The following STRIP2 variants were observed in gnomAD, a reference collection of about 807,000 sequenced individuals.
The protein encoded by STRIP2 is striatin-interacting protein 2.
In STRIP2, 84 loss-of-function variants were observed where a neutral mutation model predicts 107.1. The ratio of observed to expected loss-of-function variants is 0.78; its 90% confidence interval spans 0.66 to 0.94. The LOEUF (loss-of-function observed/expected upper bound fraction) is 0.94, where lower values mean the gene tolerates loss of function less well. Ranked by LOEUF, STRIP2 falls within the 40% of genes least tolerant of loss-of-function variation. The pLI, the probability that STRIP2 is intolerant of heterozygous loss-of-function variation, is 0.00. For synonymous variants in STRIP2, 394 were observed against 400.4 expected, an observed-to-expected ratio of 0.98 and a Z score of 0.19; for missense variants, 888 against 1,034.2, an observed-to-expected ratio of 0.86 and a Z score of 1.94.
In STRIP2 at chr7:129,458,647, T is replaced by C; in HGVS notation, c.1275-65T>C. 1 of 1,588,772 alleles carries C rather than the reference T, an allele frequency of 6.3e-7. No individual in the cohort carries two copies. The highest frequency in any genetic ancestry group is 8.6e-7 in the Non-Finnish European group (1 of 1,157,924). On this transcript the variant is annotated intron_variant, in intron 10 of 20. Transcript: ENST00000249344. The surrounding 1 kb of genome is among the most constrained non-coding windows in gnomAD (Gnocchi z 4.6). ...ATTGGAGGGATAGGAGCCCGGAAAG[T>C]TTTTCTCTCTCAAAGTTTGCTTTTC...
chr7:129,444,205 T>C (rs1797976360), intron 3 of STRIP2, 107 bp downstream of exon 3: 5 of 725,088 alleles, frequency 6.9e-6, no homozygotes, highest in Non-Finnish European at 1.2e-5. Flanking sequence ...CCCCTCTGTA[T>C]TAGTTAGGGT....
intron 18 of STRIP2, among the ~76,000 whole-genome samples, chr7:129,475,618 A>G (rs1249330823): frequency 4.2e-5 from 5 of 120,032 alleles, no homozygotes; most frequent in African/African-American, 1.3e-4. Flanking sequence ...GCATAGGGGG[A>G]TTTGGCAGGG....
chr7:129,465,351 A>G (rs1798646143), intron 16 of STRIP2, among the ~76,000 whole-genome samples: 1 of 152,182 alleles, frequency 6.6e-6, no homozygotes, highest in Admixed American at 6.5e-5. Flanking sequence ...GAAGGAGGAC[A>G]GGAGGCATTT....
chr7:129,451,633 G>A lies in STRIP2; in HGVS notation c.295G>A (p.Glu99Lys). ...CCCAGTGCAGGGCAAGGAATGGCTGGAGTTGGAAGAAGATGCCCAAAAGGC... is the reference window on the plus strand; with the variant it reads ...CCCAGTGCAGGGCAAGGAATGGCTGAAGTTGGAAGAAGATGCCCAAAAGGC... ...KTQVQGKEWL[E>K]LEEDAQKAYI... The change falls in exon 4 of 21, where the codon GAG (glutamate) becomes AAG (lysine). Residue 99 changes from glutamate (E) to lysine (K), a missense_variant. Glu to Lys is a moderately conservative substitution (Grantham distance 56, BLOSUM62 1). Transcript: ENST00000249344. 6.2e-7 allele frequency: 1 copy of A among 1,614,194 alleles called. No individual in the cohort carries two copies. The highest frequency in any genetic ancestry group is 8.5e-7 in the Non-Finnish European group (1 of 1,180,034).
intron 16 of STRIP2, among the ~76,000 whole-genome samples, chr7:129,466,437 G>C (rs1186250807): frequency 6.6e-6 from 1 of 152,194 alleles, no homozygotes; most frequent in African/African-American, 2.4e-5. Context: ...AGGCAGCTTA[G>C]CTTGCTGCTT....
intron 18 of STRIP2, among the ~76,000 whole-genome samples, chr7:129,477,041 G>A (rs1046713040): frequency 2.6e-5 from 4 of 151,124 alleles, no homozygotes; most frequent in African/African-American, 4.9e-5. Flanking sequence ...CAGGCGTGGC[G>A]GCGCGCGCCT....
At chr7:129,475,553 CTTTTTTTTTTTTTTCTTTTTATTTTT>C (rs1798897435) in intron 18 of STRIP2, among the ~76,000 whole-genome samples, 2 of 35,982 alleles carry the variant, frequency 5.6e-5, no homozygotes, top group African/African-American at 2.4e-4. Flanking sequence ...CTTTTTTTTT[CTTTTTTTTTTTTTTCTTTTTATTTTT>C]TTTTATTGAT....
chr7:129,444,113 T>C lies in STRIP2; in HGVS notation c.274+15T>C. On this transcript the variant is annotated intron_variant, in intron 3 of 20. Transcript: ENST00000249344. ...CAAGACTCAAGGTAATTCCAGATCT[T>C]TACTCATAGAGACCTGCTTTTTCCT... The C allele has an allele frequency of 6.3e-7, 1 of 1,597,232 alleles. No individual in the cohort carries two copies. The highest frequency in any genetic ancestry group is 1.7e-5 in the Admixed American group (1 of 59,658).
At chr7:129,479,647 GC>G (rs1435397021) in intron 18 of STRIP2, among the ~76,000 whole-genome samples, 1 of 151,656 alleles carries the variant, frequency 6.6e-6, no homozygotes, top group Non-Finnish European at 1.5e-5. Context: ...CTGCCACCAT[GC>G]CCAGCTAATT....
At chr7:129,463,999 GAGTGGGTTTGAC>G (rs781081521) in intron 14 of STRIP2, 33 bp from the exon 15 acceptor site, 1 of 1,492,004 alleles carries the variant, frequency 6.7e-7, no homozygotes, top group Admixed American at 1.7e-5. Flanking sequence ...CTTCCTTGCT[GAGTGGGTTTGAC>G]AGTGGTAAAT....
At chr7:129,443,233 T>A (rs1178242808) in intron 2 of STRIP2, among the ~76,000 whole-genome samples, 1 of 152,068 alleles carries the variant, frequency 6.6e-6, no homozygotes, top group African/African-American at 2.4e-5. Context: ...AGAGATAGGG[T>A]CATGCTATGT....
rs540857359 is a variant in STRIP2, at chr7:129,465,069, G to A, written c.1776+331G>A. 2.0e-5 allele frequency among the ~76,000 whole-genome samples: 3 copies of A among 152,164 alleles called. No individual in the cohort carries two copies. The South Asian group carries it at 6.2e-4, about 32-fold the overall frequency. On this transcript the variant is annotated intron_variant, in intron 16 of 20. Transcript: ENST00000249344. Reference sequence around the variant, plus strand: ...TCACAAAAATGGGGGGGTGGGGGGAGTATGTTGACCGTAGTTTTCTATATG... The same window carrying A: ...TCACAAAAATGGGGGGGTGGGGGGAATATGTTGACCGTAGTTTTCTATATG...
At chr7:129,456,055 G>A (rs1425773309) in intron 8 of STRIP2, among the ~76,000 whole-genome samples, 2 of 152,028 alleles carry the variant, frequency 1.3e-5, no homozygotes, top group Non-Finnish European at 1.5e-5. Flanking sequence ...CTAATAGGGG[G>A]AACTGCCTCT....
Position 129,485,773 on chromosome 7 carries a change from G to A in STRIP2, c.2449G>A (p.Glu817Lys), listed in dbSNP as rs904822742. ...CCACTATTCATATGAGCTCTGGCTC[G>A]AGAGAGAGGTGTTTTCACAGCCCAT... Reference protein sequence around the residue: ...DFHYSYELWLEREVFSQPICW... With the variant: ...DFHYSYELWLKREVFSQPICW... Residue 817 changes from glutamate (E) to lysine (K), a missense_variant, in exon 21 of 21, where the codon GAG becomes AAG. Glu to Lys is a moderately conservative substitution (Grantham distance 56). Coordinates refer to ENST00000249344, the MANE Select transcript of STRIP2 (RefSeq NM_020704.3). 7.4e-6 allele frequency: 12 copies of A among 1,614,010 alleles called. No homozygotes were observed. The highest frequency in any genetic ancestry group is 3.3e-5 in the South Asian group (3 of 91,080).
chr7:129,439,126 C>A (rs1016624467), intron 1 of STRIP2, among the ~76,000 whole-genome samples: 1 of 152,178 alleles, frequency 6.6e-6, no homozygotes, highest in African/African-American at 2.4e-5. Flanking sequence ...ACCCTCTAAT[C>A]ATGTGCTCCG....
chr7:129,475,169 A>G (rs776285172), intron 18 of STRIP2, among the ~76,000 whole-genome samples: 3 of 151,948 alleles, frequency 2.0e-5, no homozygotes, highest in Non-Finnish European at 2.9e-5. Flanking sequence ...CTTTGAAAGG[A>G]GGTTGCTGGA....
At chr7:129,456,766 T>C in intron 9 of STRIP2, 124 bp downstream of exon 9, 1 of 851,052 alleles carries the variant, frequency 1.2e-6, no homozygotes, top group Non-Finnish European at 1.8e-6. Context: ...AGGTTGGCCC[T>C]ATGACCAACC....
At position 129,454,197 on chromosome 7, in the gene STRIP2, A is replaced by G. The variant is rs148031586; in HGVS notation, c.586A>G (p.Ser196Gly). 5 of 1,614,016 alleles carry G rather than the reference A, an allele frequency of 3.1e-6. No individual in the cohort carries two copies. The highest frequency in any genetic ancestry group is 4.2e-6 in the Non-Finnish European group (5 of 1,180,010). ...GAAACCAGCTGTCTCCATAGCTGAT[A>G]GCACAGAGCTCAGGTGAGTGGGGCT... is the stretch of plus-strand genomic sequence containing the variant. ...LRKPAVSIAD[S>G]TELRVLLSVM... The change falls in exon 6 of 21, where the codon AGC becomes GGC. Residue 196 changes from serine to glycine, a missense_variant. By Grantham distance (56) the Ser-to-Gly change is moderately conservative. Transcript: ENST00000249344.
chr7:129,439,662 C>A (rs1158799831), intron 1 of STRIP2, among the ~76,000 whole-genome samples: 1 of 152,138 alleles, frequency 6.6e-6, no homozygotes, highest in Non-Finnish European at 1.5e-5. Flanking sequence ...GAATCCAGTT[C>A]TCTTTGTTTC....
Sources: allele counts gnomAD v4.1 joint callset (sites outside exome capture counted in the v4.1 genomes callset), GRCh38; gene constraint gnomAD v4.1.1; non-coding constraint Gnocchi (gnomAD v3.1); transcripts MANE v1.5; gene names NCBI Gene and HGNC (gene_info 2026-07-23, HGNC 2026-07-21).